The following ZC3H6 variants were observed in gnomAD, a reference collection of about 807,000 sequenced individuals.
The protein encoded by ZC3H6 is zinc finger CCCH domain-containing protein 6.
In ZC3H6, 40 loss-of-function variants were observed where a neutral mutation model predicts 107.7. The ratio of observed to expected loss-of-function variants is 0.37; its 90% CI spans 0.29 to 0.48. The LOEUF (loss-of-function observed/expected upper bound fraction) is 0.48, where lower values mean the gene tolerates loss of function less well. ZC3H6 is among the 20% of genes least tolerant of loss of function. ZC3H6 has a pLI of 0.98. For missense variants in ZC3H6, 1,267 were observed against 1,410.4 expected, an observed-to-expected ratio of 0.90 and a Z score of 1.63; for synonymous variants, 493 against 487.9, an observed-to-expected ratio of 1.01 and a Z score of -0.14.
In ZC3H6 at chr2:112,337,231, G is replaced by C. The variant is rs943386670; in HGVS notation, c.*4743G>C. On this transcript the variant is annotated 3_prime_UTR_variant, in exon 12 of 12. Coordinates refer to ENST00000409871, the MANE Select transcript of ZC3H6 (RefSeq NM_198581.3). Reference sequence around the variant, plus strand: ...TTACTTCATGGTGAAAGTTTGGATTGATCAATAATTTATTCCTATAAAGGT... The same window carrying C: ...TTACTTCATGGTGAAAGTTTGGATTCATCAATAATTTATTCCTATAAAGGT... 2.0e-5 allele frequency: 3 copies of C among 151,616 alleles called. No individual in the cohort carries two copies. Among genetic ancestry groups the C allele is most frequent in the East Asian group, 1.9e-4 (1 of 5,164 alleles). 9.4% of individuals were successfully genotyped at this position (151,616 alleles called of 1,614,324 possible). A position where few individuals can be genotyped will look rare whatever the true frequency, so the allele number is the denominator to read the frequency against.
chr2:112,323,220 T>C (rs1274575492), intron 9 of ZC3H6, among the ~76,000 whole-genome samples: 1 of 152,204 alleles, frequency 6.6e-6, no homozygotes, highest in East Asian at 1.9e-4. Context: ...TGCCTTCAGA[T>C]TGTGGGAAAT....
chr2:112,281,791 G>A lies in ZC3H6; in HGVS notation c.32+5765G>A, dbSNP rs571573749. On this transcript the variant is annotated intron_variant, in intron 1 of 11. Coordinates refer to ENST00000409871, the MANE Select transcript of ZC3H6 (RefSeq NM_198581.3). Reference sequence around the variant, plus strand: ...CCACTCAAGGTATGTGTGTCAAGAGGTATGGAGAAGAGCACAGAAGTTTTT... The same window carrying A: ...CCACTCAAGGTATGTGTGTCAAGAGATATGGAGAAGAGCACAGAAGTTTTT... Among the ~76,000 whole-genome samples, 462 of 152,168 alleles carry A rather than the reference G, an allele frequency of 3.0e-3. 1 individual carries two copies. The highest frequency in any genetic ancestry group is 0.017 in the Middle Eastern group (5 of 294).
At chr2:112,309,460 A>G (rs928484017) in intron 3 of ZC3H6, among the ~76,000 whole-genome samples, 1 of 152,190 alleles carries the variant, frequency 6.6e-6, no homozygotes, top group African/African-American at 2.4e-5. Flanking sequence ...TTTATTAAAT[A>G]TAATGTAATT....
chr2:112,295,734 AATG>A (rs1172220192), intron 1 of ZC3H6, among the ~76,000 whole-genome samples: 1 of 152,184 alleles, frequency 6.6e-6, no homozygotes, highest in Non-Finnish European at 1.5e-5. Flanking sequence ...TGAATGCTGA[AATG>A]ATAAGTAGGC....
chr2:112,307,951 C>A (rs906849557), intron 3 of ZC3H6, among the ~76,000 whole-genome samples: 1 of 152,132 alleles, frequency 6.6e-6, no homozygotes, highest in Non-Finnish European at 1.5e-5. Context: ...AATTGATACT[C>A]ATCTATTAAC....
In ZC3H6 at chr2:112,331,991, G is replaced by T. The variant is rs1677043757; in HGVS notation, c.3073G>T (p.Ala1025Ser). 6.2e-7 allele frequency: 1 copy of T among 1,613,840 alleles called. No homozygotes were observed. Among genetic ancestry groups the T allele is most frequent in the African/African-American group, 1.3e-5 (1 of 74,914 alleles). ...TGGTTCCGGGGCTCTGCCTCCATAT[G>T]CCCCTAAACTCTCTTCCTCAGCTGG... is the stretch of plus-strand genomic sequence containing the variant. ...NSGSGALPPYAPKLSSSAGLP... is the reference protein window; with the variant it reads ...NSGSGALPPYSPKLSSSAGLP... The change falls in exon 12 of 12, where the codon GCC (alanine) becomes TCC (serine). Residue 1025 changes from alanine to serine, a missense_variant. Physicochemically the swap from Ala to Ser is moderately conservative, Grantham distance 99. Transcript: ENST00000409871.
chr2:112,290,312 C>T (rs1676086933), intron 1 of ZC3H6, among the ~76,000 whole-genome samples: 1 of 152,234 alleles, frequency 6.6e-6, no homozygotes, highest in African/African-American at 2.4e-5. Flanking sequence ...AGAAGTTTTG[C>T]TCATCCTATT....
At chr2:112,281,110 A>C (rs2104691176) in intron 1 of ZC3H6, among the ~76,000 whole-genome samples, 1 of 152,342 alleles carries the variant, frequency 6.6e-6, no homozygotes, top group East Asian at 1.9e-4. Context: ...GAAAATAAAC[A>C]TGAAAAACAG....
chr2:112,319,344 A>T (rs1352388272), intron 7 of ZC3H6, among the ~76,000 whole-genome samples: 1 of 151,986 alleles, frequency 6.6e-6, no homozygotes, highest in East Asian at 1.9e-4. Flanking sequence ...CACTCCCATA[A>T]CTAATTTAAA....
intron 4 of ZC3H6, 146 bp from the exon 5 acceptor site, chr2:112,311,658 A>T: frequency 1.5e-6 from 1 of 661,612 alleles, no homozygotes; most frequent in Non-Finnish European, 2.3e-6. Context: ...AGATACAAAG[A>T]TTTAATTTTT....
chr2:112,313,438 A>G (rs895087747), intron 5 of ZC3H6, among the ~76,000 whole-genome samples: 1 of 152,170 alleles, frequency 6.6e-6, no homozygotes, highest in East Asian at 1.9e-4. Flanking sequence ...AAACAAAATT[A>G]GCTTCCAGGA....
chr2:112,308,404 TTTTATTTATTTATTTA>T (rs370414380), intron 3 of ZC3H6, among the ~76,000 whole-genome samples: 2 of 138,274 alleles, frequency 1.4e-5, no homozygotes, highest in Non-Finnish European at 3.1e-5. Flanking sequence ...TTTTATTTTA[TTTTATTTATTTATTTA>T]TTTATTTATT....
intron 4 of ZC3H6, among the ~76,000 whole-genome samples, chr2:112,311,313 T>C (rs1250868058): frequency 6.6e-6 from 1 of 152,168 alleles, no homozygotes; most frequent in African/African-American, 2.4e-5. Context: ...AAACTAATTT[T>C]TGTAATTTGG....
chr2:112,321,914 G>C (rs1056627525), intron 8 of ZC3H6, 49 bp downstream of exon 8: 10 of 819,074 alleles, frequency 1.2e-5, no homozygotes, highest in Non-Finnish European at 1.9e-5. Context: ...AAATACATTT[G>C]ACTTGAATCA....
At chr2:112,309,155 C>T (rs565618402) in intron 3 of ZC3H6, among the ~76,000 whole-genome samples, 12 of 152,144 alleles carry the variant, frequency 7.9e-5, no homozygotes, top group Admixed American at 2.6e-4. Context: ...AATTTTTTCT[C>T]GCTTTACTAA....
At chr2:112,290,260 C>T (rs1676085902) in intron 1 of ZC3H6, among the ~76,000 whole-genome samples, 1 of 152,246 alleles carries the variant, frequency 6.6e-6, no homozygotes, top group Non-Finnish European at 1.5e-5. Flanking sequence ...GTGACACTGG[C>T]CTTGTCTCAG....
intron 7 of ZC3H6, among the ~76,000 whole-genome samples, chr2:112,318,982 T>A (rs1233853848): frequency 6.6e-6 from 1 of 152,062 alleles, no homozygotes; most frequent in Non-Finnish European, 1.5e-5. Context: ...TAACAAATGA[T>A]ACAAAAATAA....
At chr2:112,287,683 G>A (rs1319582525) in intron 1 of ZC3H6, among the ~76,000 whole-genome samples, 1 of 152,072 alleles carries the variant, frequency 6.6e-6, no homozygotes, top group Non-Finnish European at 1.5e-5. Context: ...CTCACTGCAA[G>A]CTCCACCTCC....
intron 1 of ZC3H6, among the ~76,000 whole-genome samples, chr2:112,282,698 A>G (rs1277232557): frequency 6.6e-6 from 1 of 152,252 alleles, no homozygotes; most frequent in African/African-American, 2.4e-5. Flanking sequence ...AGAAATTTAC[A>G]TCAAGAAATA....
Sources: gnomAD v4.1 joint callset for allele counts (sites outside exome capture counted in the v4.1 genomes callset) on GRCh38, gnomAD v4.1.1 for gene constraint, MANE v1.5 for transcripts, NCBI Gene and HGNC (gene_info 2026-07-23, HGNC 2026-07-21) for gene names.